Variants in WDPCP observed in about 807,000 individuals in gnomAD.
WDPCP encodes WD repeat containing planar cell polarity effector, also known as WD repeat-containing and planar cell polarity effector protein fritz homolog.
In WDPCP, 71 loss-of-function variants were observed where a neutral mutation model predicts 93.1. The observed-to-expected ratio is 0.76, with a 90% CI of 0.63 to 0.93. The LOEUF is 0.93. WDPCP is among the 40% of genes least tolerant of loss of function. The probability of loss-of-function intolerance (pLI) is 0.00; values close to 1 mark genes in which losing one functional copy is unlikely to be tolerated. For missense variants in WDPCP, 844 were observed against 887.4 expected (o/e 0.95, Z 0.62); for synonymous variants, 315 against 315.0 (o/e 1.00, Z 0.00).
intron 13 of WDPCP, among the ~76,000 whole-genome samples, chr2:63,277,510 CAACTA>C (rs1464229619): frequency 2.0e-5 from 3 of 152,184 alleles, no homozygotes; most frequent in Non-Finnish European, 4.4e-5. Flanking sequence ...TCAGGAAACT[CAACTA>C]ACACATAAGG....
intron 12 of WDPCP, among the ~76,000 whole-genome samples, chr2:63,337,672 T>C (rs1210277516): frequency 2.0e-5 from 3 of 152,350 alleles, no homozygotes; most frequent in East Asian, 3.9e-4. Flanking sequence ...GCATCTGTTA[T>C]TGTCTTTTGG....
intron 9 of WDPCP, among the ~76,000 whole-genome samples, chr2:63,418,294 T>C (rs1424127269): frequency 6.6e-6 from 1 of 152,080 alleles, no homozygotes; most frequent in Non-Finnish European, 1.5e-5. Flanking sequence ...GTCCAAGATA[T>C]GATGCTAAGA....
At chr2:63,130,033 C>T (rs1670188772) in intron 17 of WDPCP, among the ~76,000 whole-genome samples, 1 of 152,078 alleles carries the variant, frequency 6.6e-6, no homozygotes, top group Non-Finnish European at 1.5e-5. Context: ...TACAGAGGGC[C>T]AACTGTATTT....
At chr2:63,608,997 C>T (rs1395568693) in intron 3 of WDPCP, among the ~76,000 whole-genome samples, 1 of 152,160 alleles carries the variant, frequency 6.6e-6, no homozygotes, top group Non-Finnish European at 1.5e-5. Flanking sequence ...GTTCCAAACA[C>T]TCCCTTCTAT....
chr2:63,242,548 G>GAAGT (rs1234680989), intron 14 of WDPCP, among the ~76,000 whole-genome samples: 4 of 152,154 alleles, frequency 2.6e-5, no homozygotes, highest in Non-Finnish European at 5.9e-5. Context: ...CTTGTGCCTG[G>GAAGT]AAGTTTGAGG....
chr2:63,409,737 T>C (rs191633646), intron 9 of WDPCP, among the ~76,000 whole-genome samples: 33 of 152,170 alleles, frequency 2.2e-4, no homozygotes, highest in African/African-American at 7.2e-4. Flanking sequence ...GAAACACTTA[T>C]AGAAATGCAA....
the WDPCP span, among the ~76,000 whole-genome samples, chr2:63,838,460 G>C: frequency 3.9e-5 from 6 of 152,138 alleles, no homozygotes; most frequent in Non-Finnish European, 8.8e-5. Context: ...GTCGCATATG[G>C]AACCAGACAA....
intron 13 of WDPCP, among the ~76,000 whole-genome samples, chr2:63,265,643 G>A (rs897675285): frequency 1.3e-5 from 2 of 152,112 alleles, no homozygotes; most frequent in Non-Finnish European, 2.9e-5. Flanking sequence ...TGAAGAGGAC[G>A]TACTTCCAAA....
At chr2:63,153,703 A>T (rs950777946) in intron 15 of WDPCP, 129 bp from the exon 16 acceptor site, 6 of 565,646 alleles carry the variant, frequency 1.1e-5, no homozygotes, top group East Asian at 9.4e-5. Context: ...TAATTAAAAA[A>T]TTTCTTTGGA....
At chr2:63,465,203 T>C (rs1221731801) in intron 6 of WDPCP, among the ~76,000 whole-genome samples, 1 of 152,114 alleles carries the variant, frequency 6.6e-6, no homozygotes, top group Admixed American at 6.6e-5. Flanking sequence ...AAGTATTTCA[T>C]ATGTGTTAAC....
intron 13 of WDPCP, among the ~76,000 whole-genome samples, chr2:63,262,296 T>C (rs1281812583): frequency 6.6e-6 from 1 of 152,038 alleles, no homozygotes; most frequent in Non-Finnish European, 1.5e-5. Flanking sequence ...CTAAAGAACA[T>C]AAATGAACAT....
chr2:63,716,239 A>ATAGACCTC (rs1366274203), intron 2 of WDPCP, among the ~76,000 whole-genome samples: 4 of 152,174 alleles, frequency 2.6e-5, no homozygotes, highest in Non-Finnish European at 5.9e-5. Context: ...TAGTAACTTA[A>ATAGACCTC]TAGACCTCTA....
At chr2:63,348,386 T>G (rs1160796346) in intron 12 of WDPCP, among the ~76,000 whole-genome samples, 1 of 152,192 alleles carries the variant, frequency 6.6e-6, no homozygotes, top group Non-Finnish European at 1.5e-5. Flanking sequence ...AGTGAAGCAT[T>G]CATAACTAGT....
chr2:63,767,657 C>T (rs1670163106), intron 2 of WDPCP, among the ~76,000 whole-genome samples: 1 of 151,952 alleles, frequency 6.6e-6, no homozygotes, highest in South Asian at 2.1e-4. Flanking sequence ...AAAGTCTGTT[C>T]AAATATCTTA....
intron 2 of WDPCP, among the ~76,000 whole-genome samples, chr2:63,792,271 C>T (rs939372319): frequency 6.6e-6 from 1 of 152,274 alleles, no homozygotes; most frequent in East Asian, 1.9e-4. Flanking sequence ...GAAAAGAAAG[C>T]AGTCATGTTT....
At chr2:63,323,107 A>G (rs1213469620) in intron 12 of WDPCP, among the ~76,000 whole-genome samples, 1 of 152,188 alleles carries the variant, frequency 6.6e-6, no homozygotes, top group Non-Finnish European at 1.5e-5. Flanking sequence ...CGGGGTCCCA[A>G]CAACAAGTTG....
intron 1 of WDPCP, among the ~76,000 whole-genome samples, chr2:63,824,907 G>T (rs867859048): frequency 6.6e-6 from 1 of 151,946 alleles, no homozygotes; most frequent in African/African-American, 2.4e-5. Context: ...AGGAAAATAC[G>T]TATTTTACAA....
intron 2 of WDPCP, among the ~76,000 whole-genome samples, chr2:63,753,520 C>T (rs2103890788): frequency 1.3e-5 from 2 of 152,244 alleles, no homozygotes; most frequent in South Asian, 4.1e-4. Flanking sequence ...ACAGGCTGTA[C>T]AGGAAGCATA....
At chr2:63,223,506 T>C (rs752759188) in intron 14 of WDPCP, among the ~76,000 whole-genome samples, 2 of 152,142 alleles carry the variant, frequency 1.3e-5, no homozygotes, top group African/African-American at 2.4e-5. Flanking sequence ...CAGTCTGTGC[T>C]TTTCTGTGGA....
Sources: allele counts gnomAD v4.1 joint callset (sites outside exome capture counted in the v4.1 genomes callset), GRCh38; gene constraint gnomAD v4.1.1; transcripts MANE v1.5; gene names NCBI Gene and HGNC (gene_info 2026-07-23, HGNC 2026-07-21).